RTF2: variants seen among roughly 807,000 people sequenced by gnomAD.
RTF2 encodes replication termination factor 2.
RTF2 carries 18 observed loss-of-function variants against 38.0 expected under a neutral mutation model. The observed-to-expected ratio is 0.47, with a 90% CI of 0.33 to 0.70. The LOEUF is 0.70. Among genes scored for constraint, RTF2 ranks in the 30% least tolerant of loss-of-function variants. The pLI is 0.02. For missense variants in RTF2, 311 were observed against 379.6 expected, an observed-to-expected ratio of 0.82 and a Z score of 1.50; for synonymous variants, 126 against 137.1, an observed-to-expected ratio of 0.92 and a Z score of 0.57.
At chr20:56,475,658 A>G (rs1261520718) in intron 3 of RTF2, among the ~76,000 whole-genome samples, 1 of 152,204 alleles carries the variant, frequency 6.6e-6, no homozygotes, top group Non-Finnish European at 1.5e-5. Flanking sequence ...TTAGTAGTTC[A>G]TAATGCTATG....
At chr20:56,514,821 C>T (rs574314460) in intron 6 of RTF2, among the ~76,000 whole-genome samples, 4 of 152,180 alleles carry the variant, frequency 2.6e-5, no homozygotes, top group East Asian at 3.9e-4. Flanking sequence ...AATTCAGATG[C>T]GAGTAGAAAT....
intron 5 of RTF2, among the ~76,000 whole-genome samples, chr20:56,490,554 C>A (rs1983056568): frequency 6.6e-6 from 1 of 152,228 alleles, no homozygotes; most frequent in Non-Finnish European, 1.5e-5. Context: ...GTGGCTCACG[C>A]CTGTGATCCC....
chr20:56,477,842 T>C (rs1433600573), intron 4 of RTF2, among the ~76,000 whole-genome samples: 1 of 152,220 alleles, frequency 6.6e-6, no homozygotes. Context: ...GGCAGAGTTA[T>C]AGAACCTGTG....
At chr20:56,472,540 T>A (rs1170352097) in intron 1 of RTF2, 2 of 546,926 alleles carry the variant, frequency 3.7e-6, no homozygotes, top group Non-Finnish European at 6.5e-6. Flanking sequence ...AAATTGAACA[T>A]TTTATAAAGA....
At chr20:56,486,963 C>T (rs1057510610) in intron 5 of RTF2, among the ~76,000 whole-genome samples, 9 of 152,086 alleles carry the variant, frequency 5.9e-5, no homozygotes, top group African/African-American at 9.7e-5. Context: ...AGGTGTGAGT[C>T]GGACTGGATT....
intron 5 of RTF2, among the ~76,000 whole-genome samples, chr20:56,484,478 C>T (rs1982682694): frequency 6.6e-6 from 1 of 152,222 alleles, no homozygotes; most frequent in South Asian, 2.1e-4. Context: ...CATGAGCCCC[C>T]ATTCCATAGT....
chr20:56,518,641 A>G lies in RTF2; in HGVS notation c.*376A>G, dbSNP rs552076927. On this transcript the variant is annotated 3_prime_UTR_variant, in exon 9 of 9. Coordinates refer to ENST00000357348, the MANE Select transcript of RTF2 (RefSeq NM_016407.5). ...AAATTCTAATGATCTTGCTACCAGC[A>G]ATAAATCAAGTAGGCCAAGTGAAAC... The G allele has an allele frequency of 3.1e-4, 52 of 165,918 alleles. No homozygotes were observed. The highest frequency in any genetic ancestry group is 1.1e-3 in the African/African-American group (45 of 42,120). The allele number at this position is 165,918 out of a possible 1,614,324, so 10.3% of individuals were successfully genotyped here. A position where few individuals can be genotyped will look rare whatever the true frequency, so the allele number is the denominator to read the frequency against.
At chr20:56,505,869 C>G (rs1034467701) in intron 5 of RTF2, among the ~76,000 whole-genome samples, 2 of 151,982 alleles carry the variant, frequency 1.3e-5, no homozygotes, top group Non-Finnish European at 2.9e-5. Context: ...AAAATGAAAT[C>G]CCTAATAAAT....
Position 56,474,725 on chromosome 20 carries a change from C to T in RTF2, c.212C>T (p.Ala71Val), listed in dbSNP as rs1293590024. The change falls in exon 3 of 9, where the codon GCA becomes GTA. Residue 71 changes from alanine (A) to valine (V), a missense_variant. Coordinates refer to ENST00000357348, the MANE Select transcript of RTF2 (RefSeq NM_016407.5). ...AVIEFLLDKS[A>V]EKALGKAASH... The stretch of plus-strand genomic sequence containing the variant: ...ATTGAATTTCTCTTGGACAAATCTG[C>T]AGAAAAGGCTCTTGGGAAGGCAGCA... 1 of 1,611,710 alleles carries T rather than the reference C, an allele frequency of 6.2e-7. No individual in the cohort carries two copies. The highest frequency in any genetic ancestry group is 1.1e-5 in the South Asian group (1 of 90,722).
At chr20:56,479,402 T>A (rs1982417986) in intron 4 of RTF2, among the ~76,000 whole-genome samples, 1 of 151,892 alleles carries the variant, frequency 6.6e-6, no homozygotes, top group Admixed American at 6.6e-5. Context: ...ATGTTTATAT[T>A]TTTAGTAGAG....
chr20:56,479,622 A>C (rs759937416), intron 4 of RTF2, among the ~76,000 whole-genome samples: 1 of 152,218 alleles, frequency 6.6e-6, no homozygotes, highest in Non-Finnish European at 1.5e-5. Flanking sequence ...TGGCAGAGGA[A>C]GCCTATGGCA....
intron 5 of RTF2, among the ~76,000 whole-genome samples, chr20:56,489,825 A>T (rs1983003004): frequency 6.6e-6 from 1 of 152,214 alleles, no homozygotes; most frequent in African/African-American, 2.4e-5. Context: ...GTTGCTATTG[A>T]GTTATAAAAT....
At chr20:56,485,731 G>A (rs1246884623) in intron 5 of RTF2, among the ~76,000 whole-genome samples, 1 of 152,204 alleles carries the variant, frequency 6.6e-6, no homozygotes, top group Non-Finnish European at 1.5e-5. Context: ...TTGATATTCA[G>A]CCAGAAGTAT....
intron 5 of RTF2, among the ~76,000 whole-genome samples, chr20:56,495,583 C>T (rs573558742): frequency 6.6e-6 from 1 of 152,310 alleles, no homozygotes; most frequent in African/African-American, 2.4e-5. Flanking sequence ...CCTTTCTCCA[C>T]CCCTTGTTAC....
chr20:56,492,320 T>C (rs1272363186), intron 5 of RTF2, among the ~76,000 whole-genome samples: 2 of 151,366 alleles, frequency 1.3e-5, no homozygotes, highest in Non-Finnish European at 2.9e-5. Context: ...TCAAGTGATC[T>C]TCCCACCTCG....
intron 5 of RTF2, among the ~76,000 whole-genome samples, chr20:56,494,060 A>G (rs141608863): frequency 1.3e-5 from 2 of 152,050 alleles, no homozygotes; most frequent in African/African-American, 4.8e-5. Flanking sequence ...GATTGTTTCT[A>G]CCTGAGAATT....
At chr20:56,473,798 G>A (rs1982093323) in intron 2 of RTF2, among the ~76,000 whole-genome samples, 2 of 152,298 alleles carry the variant, frequency 1.3e-5, no homozygotes, top group Non-Finnish European at 1.5e-5. Flanking sequence ...TGAGGCAGGA[G>A]GATCCTGTGA....
intron 5 of RTF2, among the ~76,000 whole-genome samples, chr20:56,492,992 A>G (rs1568700137): frequency 6.6e-6 from 1 of 152,060 alleles, no homozygotes; most frequent in Non-Finnish European, 1.5e-5. Context: ...CCTGGCCAAC[A>G]TGGTGACACC....
intron 1 of RTF2, among the ~76,000 whole-genome samples, chr20:56,469,928 C>T (rs951711144): frequency 9.8e-5 from 15 of 152,298 alleles, no homozygotes; most frequent in African/African-American, 3.6e-4. Flanking sequence ...CAGTTTTTTA[C>T]TCAAATGTCA....
Sources: gnomAD v4.1 joint callset for allele counts (sites outside exome capture counted in the v4.1 genomes callset) on GRCh38, gnomAD v4.1.1 for gene constraint, MANE v1.5 for transcripts, NCBI Gene and HGNC (gene_info 2026-07-23, HGNC 2026-07-21) for gene names.